HPSE2: variants seen among roughly 807,000 people sequenced by gnomAD.
HPSE2 encodes the protein heparanase 2 (inactive), also known as inactive heparanase-2.
A neutral mutation model predicts 60.5 loss-of-function variants in HPSE2; 38 were observed. The ratio of observed to expected loss-of-function variants is 0.63; its 90% confidence interval spans 0.48 to 0.82. The LOEUF (loss-of-function observed/expected upper bound fraction) is 0.82. Among genes scored for constraint, HPSE2 ranks in the 40% least tolerant of loss-of-function variants. The probability of loss-of-function intolerance (pLI) is 0.00; values close to 1 mark genes in which losing one functional copy is unlikely to be tolerated. For synonymous variants in HPSE2, 295 were observed against 293.2 expected, an observed-to-expected ratio of 1.01 and a Z score of -0.06; for missense variants, 713 against 740.4, an observed-to-expected ratio of 0.96 and a Z score of 0.43.
At chr10:99,187,141 T>A (rs974946833) in intron 2 of HPSE2, among the ~76,000 whole-genome samples, 12 of 151,998 alleles carry the variant, frequency 7.9e-5, no homozygotes, top group African/African-American at 2.9e-4. Context: ...GAAACAAAGA[T>A]AAAATCAAAA....
At chr10:98,528,548 C>T (rs557326) in intron 9 of HPSE2, among the ~76,000 whole-genome samples, 130,820 of 152,144 alleles carry the variant, frequency 0.86, 57,227 homozygotes, top group East Asian at 1. Flanking sequence ...CAGTGAAGCA[C>T]GGTGTGTGCA....
chr10:98,463,612 G>A (rs1377303913), intron 11 of HPSE2, among the ~76,000 whole-genome samples: 1 of 151,422 alleles, frequency 6.6e-6, no homozygotes, highest in Non-Finnish European at 1.5e-5. Context: ...GACCAGCCTG[G>A]GCAACATAGT....
At chr10:98,477,684 A>G (rs1436155934) in intron 11 of HPSE2, among the ~76,000 whole-genome samples, 2 of 152,186 alleles carry the variant, frequency 1.3e-5, no homozygotes, top group Non-Finnish European at 2.9e-5. Flanking sequence ...GCCGAACTTC[A>G]TGTTGCTTCT....
At chr10:98,491,028 C>A (rs1038660540) in intron 9 of HPSE2, among the ~76,000 whole-genome samples, 3 of 152,142 alleles carry the variant, frequency 2.0e-5, no homozygotes, top group African/African-American at 7.2e-5. Context: ...GAGGTAATGA[C>A]TTCAGTGTTT....
intron 3 of HPSE2, among the ~76,000 whole-genome samples, chr10:98,969,985 G>A (rs897357324): frequency 1.4e-4 from 21 of 150,170 alleles, no homozygotes; most frequent in African/African-American, 3.9e-4. Context: ...TTTCTGAGAT[G>A]CACTTTTGCT....
At chr10:98,705,011 C>G (rs183176890) in intron 5 of HPSE2, among the ~76,000 whole-genome samples, 219 of 152,178 alleles carry the variant, frequency 1.4e-3, no homozygotes, top group Non-Finnish European at 2.6e-3. Context: ...ATCTGCCCAT[C>G]TAACAAAGGT....
intron 3 of HPSE2, among the ~76,000 whole-genome samples, chr10:98,763,484 A>G (rs1344802839): frequency 6.7e-6 from 1 of 148,742 alleles, no homozygotes; most frequent in Non-Finnish European, 1.5e-5. Flanking sequence ...CATATTACAT[A>G]TAAGAGAAAA....
At chr10:98,671,153 A>T (rs1191413315) in intron 6 of HPSE2, among the ~76,000 whole-genome samples, 8 of 152,190 alleles carry the variant, frequency 5.3e-5, no homozygotes, top group African/African-American at 1.9e-4. Flanking sequence ...AACTAACAAG[A>T]TTTGCTAATG....
chr10:99,177,447 CA>C (rs540067589), intron 2 of HPSE2, among the ~76,000 whole-genome samples: 5 of 148,328 alleles, frequency 3.4e-5, no homozygotes, highest in Admixed American at 6.7e-5. Context: ...AAATGGAAAG[CA>C]AAAAAAAAGC....
chr10:99,184,429 G>A (rs1847892298), intron 2 of HPSE2, among the ~76,000 whole-genome samples: 1 of 149,170 alleles, frequency 6.7e-6, no homozygotes. Context: ...GGAGGCTGAG[G>A]CAGTGGAATC....
chr10:98,499,732 G>A (rs1291557064), intron 9 of HPSE2, among the ~76,000 whole-genome samples: 1 of 152,162 alleles, frequency 6.6e-6, no homozygotes. Flanking sequence ...ATACAGAACT[G>A]TAGAATGGAT....
intron 4 of HPSE2, among the ~76,000 whole-genome samples, chr10:98,742,134 A>G (rs11189793): frequency 0.038 from 5,756 of 152,200 alleles, 238 homozygotes; most frequent in East Asian, 0.17. Flanking sequence ...GGAATACGAA[A>G]AACTTCAGGC....
rs1159925894 is a variant in HPSE2 at position 98,939,547 on chromosome 10, A to G, written c.611-195491T>C. ...GAAGAGCTAACTATCCTAAATATAT[A>G]TGCACCCAATACAGGAGCACCCAGA... On this transcript the variant is annotated intron_variant, in intron 3 of 11. Coordinates refer to ENST00000370552, the MANE Select transcript of HPSE2 (RefSeq NM_021828.5). Among the ~76,000 whole-genome samples, 2 of 143,790 alleles carry G rather than the reference A, an allele frequency of 1.4e-5. 1 individual carries two copies. The highest frequency in any genetic ancestry group is 5.7e-5 in the African/African-American group (2 of 35,208). 94.3% of individuals were successfully genotyped at this position (143,790 alleles called of 152,430 possible).
chr10:98,489,980 T>G (rs895876976), intron 10 of HPSE2, 71 bp downstream of exon 10: 9 of 1,582,518 alleles, frequency 5.7e-6, no homozygotes, highest in Non-Finnish European at 7.8e-6. Context: ...AGATGAGTCT[T>G]GAAGGGGTCC....
rs551162719 is a variant in HPSE2 at position 98,730,357 on chromosome 10, G to A, written c.785-8529C>T. ...TTTAGGGGGAAATTTATAGCCTTAG[G>A]TGCCTATATTAGAAATGAACAAAGA... On this transcript the variant is annotated intron_variant, in intron 4 of 11. Coordinates refer to ENST00000370552, the MANE Select transcript of HPSE2 (RefSeq NM_021828.5). Among the ~76,000 whole-genome samples, 3 of 152,054 alleles carry A rather than the reference G, an allele frequency of 2.0e-5. No homozygotes were observed. In the South Asian group the frequency reaches 6.2e-4, roughly 32 times the overall value.
intron 1 of HPSE2, among the ~76,000 whole-genome samples, chr10:99,233,640 G>A (rs1849742530): frequency 6.6e-6 from 1 of 152,176 alleles, no homozygotes; most frequent in Non-Finnish European, 1.5e-5. Flanking sequence ...TGACGTTAAA[G>A]AGCATCATAA....
chr10:98,534,235 G>A (rs1943214383), intron 9 of HPSE2, among the ~76,000 whole-genome samples: 1 of 152,088 alleles, frequency 6.6e-6, no homozygotes, highest in African/African-American at 2.4e-5. Context: ...TTCCCACTTG[G>A]TGCTTCAAAT....
chr10:98,650,435 T>C (rs1315441128), intron 6 of HPSE2, among the ~76,000 whole-genome samples: 1 of 152,222 alleles, frequency 6.6e-6, no homozygotes, highest in Non-Finnish European at 1.5e-5. Context: ...TACCAATCAA[T>C]CTGTTTGACC....
rs1232023057 is a variant in HPSE2, at chr10:98,668,765, A to G, written c.1004+25135T>C. On this transcript the variant is annotated intron_variant, in intron 6 of 11. Transcript: ENST00000370552. ...TACAAAACTCAACTCAAGATGGATT[A>G]AAGATTTAAATGTAATACCTCAAAC... Among the ~76,000 whole-genome samples the G allele has an allele frequency of 1.8e-4, 27 of 152,222 alleles. 1 individual carries two copies. The highest frequency in any genetic ancestry group is 1.8e-3 in the Admixed American group (27 of 15,268).
Sources: gnomAD v4.1 joint callset for allele counts (sites outside exome capture counted in the v4.1 genomes callset) on GRCh38, gnomAD v4.1.1 for gene constraint, MANE v1.5 for transcripts, NCBI Gene and HGNC (gene_info 2026-07-23, HGNC 2026-07-21) for gene names.